The following EGFR variants were observed in gnomAD, a reference collection of about 807,000 sequenced individuals.
EGFR encodes the protein epidermal growth factor receptor.
Under a neutral mutation model 143.0 loss-of-function variants are expected in EGFR, and 58 were observed. The ratio of observed to expected loss-of-function variants is 0.41; its 90% CI spans 0.33 to 0.50. EGFR has a LOEUF of 0.50. EGFR is among the 20% of genes least tolerant of loss of function. The pLI is 0.39. For missense variants in EGFR, 1,307 were observed against 1,579.0 expected, an observed-to-expected ratio of 0.83 and a Z score of 2.92; for synonymous variants, 613 against 594.4, an observed-to-expected ratio of 1.03 and a Z score of -0.45.
rs2128969906 is a variant in EGFR, at chr7:55,200,370, T to A, written c.2903T>A (p.Phe968Tyr). The A allele has an allele frequency of 6.2e-7, 1 of 1,614,084 alleles. No homozygotes were observed. The highest frequency in any genetic ancestry group is 8.5e-7 in the Non-Finnish European group (1 of 1,179,994). ...RPKFRELIIE[F>Y]SKMARDPQRY... is the part of the protein sequence containing the mutation. ...AAGTTCCGTGAGTTGATCATCGAATTCTCCAAAATGGCCCGAGACCCCCAG... is the reference window on the plus strand; with the variant it reads ...AAGTTCCGTGAGTTGATCATCGAATACTCCAAAATGGCCCGAGACCCCCAG... The change falls in exon 24 of 28, where the codon TTC (phenylalanine) becomes TAC (tyrosine). Residue 968 changes from phenylalanine (F) to tyrosine (Y), a missense_variant. Physicochemically the swap from Phe to Tyr is conservative, Grantham distance 22. Transcript: ENST00000275493.
At chr7:55,115,188 G>A (rs1182079518) in intron 1 of EGFR, among the ~76,000 whole-genome samples, 2 of 152,016 alleles carry the variant, frequency 1.3e-5, no homozygotes, top group Non-Finnish European at 2.9e-5. Flanking sequence ...ATTTAGTATG[G>A]CTTCAAAAAA....
intron 15 of EGFR, chr7:55,170,869 T>C: frequency 7.1e-7 from 1 of 1,411,744 alleles, no homozygotes; most frequent in Non-Finnish European, 9.2e-7. Flanking sequence ...GAGCCAGCTG[T>C]GGGACAATTA....
chr7:55,075,634 A>G (rs1262570588), intron 1 of EGFR, among the ~76,000 whole-genome samples: 3 of 152,180 alleles, frequency 2.0e-5, no homozygotes, highest in Non-Finnish European at 4.4e-5. Flanking sequence ...GAGTTCCTGT[A>G]ATGGATACAC....
chr7:55,192,634 C>A, intron 21 of EGFR, 132 bp from the exon 22 acceptor site: 1 of 814,822 alleles, frequency 1.2e-6, no homozygotes, highest in Non-Finnish European at 2.1e-6. Context: ...GGCGCCGGGC[C>A]TGGGGGACGG....
chr7:55,091,648 C>T (rs1791120604), intron 1 of EGFR, among the ~76,000 whole-genome samples: 1 of 152,124 alleles, frequency 6.6e-6, no homozygotes, highest in African/African-American at 2.4e-5. Flanking sequence ...AATACAAGTC[C>T]CTACTACATT....
intron 1 of EGFR, among the ~76,000 whole-genome samples, chr7:55,025,088 G>T (rs1444898621): frequency 6.6e-6 from 1 of 152,204 alleles, no homozygotes; most frequent in Non-Finnish European, 1.5e-5. Context: ...GGAATAAATG[G>T]TAAGGCTACC....
intron 1 of EGFR, among the ~76,000 whole-genome samples, chr7:55,051,697 C>A (rs887564818): frequency 2.6e-5 from 4 of 152,128 alleles, no homozygotes; most frequent in Admixed American, 2.6e-4. Context: ...TTAAAGACTG[C>A]CAGTCCAAGG....
intron 7 of EGFR, among the ~76,000 whole-genome samples, chr7:55,154,424 C>T (rs1785311033): frequency 6.6e-6 from 1 of 152,242 alleles, no homozygotes; most frequent in Non-Finnish European, 1.5e-5. Flanking sequence ...ACAGGAGAAA[C>T]ACCTGCTGCT....
chr7:55,127,439 C>T (rs1793594118), intron 1 of EGFR, among the ~76,000 whole-genome samples: 1 of 152,166 alleles, frequency 6.6e-6, no homozygotes, highest in Non-Finnish European at 1.5e-5. Flanking sequence ...CTTACTCCTT[C>T]ATCCTCTCCT....
At chr7:55,185,458 C>G (rs1373096160) in intron 20 of EGFR, among the ~76,000 whole-genome samples, 1 of 152,224 alleles carries the variant, frequency 6.6e-6, no homozygotes, top group Non-Finnish European at 1.5e-5. Flanking sequence ...ACGGCACAGT[C>G]ATCCAAAGAT....
rs884904 is a variant in EGFR, at chr7:55,207,789, G to A, written c.*2172G>A. 15,281 of 152,300 alleles carry A rather than the reference G, an allele frequency of 0.1. 1,225 individuals carry two copies. Among genetic ancestry groups the A allele is most frequent in the East Asian group, 0.46 (2,392 of 5,176 alleles). The allele number at this position is 152,300 out of a possible 1,614,324, so 9.4% of individuals were successfully genotyped here. A position where few individuals can be genotyped will look rare whatever the true frequency, so the allele number is the denominator to read the frequency against. Reference sequence around the variant, plus strand: ...TCCCTAAAAGTTGCAGCCCCCAGGGGGATTTTGAGCTATCATCTCTGCACA... The same window carrying A: ...TCCCTAAAAGTTGCAGCCCCCAGGGAGATTTTGAGCTATCATCTCTGCACA... On this transcript the variant is annotated 3_prime_UTR_variant, in exon 28 of 28. Transcript: ENST00000275493.
chr7:55,181,687 CA>C, intron 20 of EGFR: 1 of 636,194 alleles, frequency 1.6e-6, no homozygotes, highest in South Asian at 1.9e-5. Context: ...AAACTCTCAT[CA>C]ATCAGCTACC....
chr7:55,042,758 C>T (rs914490047), intron 1 of EGFR, among the ~76,000 whole-genome samples: 2 of 152,000 alleles, frequency 1.3e-5, no homozygotes, highest in Admixed American at 1.3e-4. Flanking sequence ...TCAAACTTTG[C>T]GGTCCCACGT....
intron 1 of EGFR, among the ~76,000 whole-genome samples, chr7:55,089,699 A>G (rs926963168): frequency 3.3e-5 from 5 of 152,260 alleles, no homozygotes; most frequent in Middle Eastern, 3.4e-3. Context: ...TGTCTCAAAA[A>G]TGTGTTTTCC....
chr7:55,179,718 T>C (rs1270982643), intron 19 of EGFR: 2 of 152,234 alleles, frequency 1.3e-5, no homozygotes. Flanking sequence ...ATGGATTCAA[T>C]CAACCACAAT....
chr7:55,077,795 A>C (rs1048806708), intron 1 of EGFR, among the ~76,000 whole-genome samples: 9 of 152,188 alleles, frequency 5.9e-5, no homozygotes, highest in Non-Finnish European at 1.2e-4. Context: ...GCTCTTAAAA[A>C]AGAAACCTGG....
intron 1 of EGFR, among the ~76,000 whole-genome samples, chr7:55,108,780 A>T (rs1401666647): frequency 6.6e-6 from 1 of 152,076 alleles, no homozygotes; most frequent in Non-Finnish European, 1.5e-5. Flanking sequence ...AATCTGTAGG[A>T]CTCCAGGTGG....
chr7:55,056,917 A>C (rs1034292445), intron 1 of EGFR, among the ~76,000 whole-genome samples: 1 of 152,244 alleles, frequency 6.6e-6, no homozygotes, highest in Non-Finnish European at 1.5e-5. Context: ...TGCAGTATGT[A>C]ACCCAGGGCA....
At chr7:55,061,645 T>TGAGA (rs1431367339) in intron 1 of EGFR, among the ~76,000 whole-genome samples, 16 of 108,712 alleles carry the variant, frequency 1.5e-4, no homozygotes, top group Admixed American at 8.0e-4. Flanking sequence ...TGTGTGTGTG[T>TGAGA]GTGTGAGAGA....
Sources: allele counts gnomAD v4.1 joint callset (sites outside exome capture counted in the v4.1 genomes callset), GRCh38; gene constraint gnomAD v4.1.1; transcripts MANE v1.5; gene names NCBI Gene and HGNC (gene_info 2026-07-23, HGNC 2026-07-21).